Variants in SNX6 observed in about 807,000 individuals in gnomAD.
The protein encoded by SNX6 is sorting nexin-6.
SNX6 carries 34 observed loss-of-function variants against 63.0 expected under a neutral mutation model. That is an observed-to-expected ratio of 0.54 (90% CI 0.41 to 0.72). SNX6 has a LOEUF of 0.72. SNX6 is among the 30% of genes least tolerant of loss of function. The pLI, the probability that SNX6 is intolerant of heterozygous loss-of-function variation, is 0.00. For missense variants in SNX6, 398 were observed against 471.4 expected, an observed-to-expected ratio of 0.84 and a Z score of 1.44; for synonymous variants, 170 against 164.2, an observed-to-expected ratio of 1.04 and a Z score of -0.27.
chr14:34,575,991 T>C (rs1881681693), intron 10 of SNX6, 149 bp from the exon 11 acceptor site: 1 of 342,932 alleles, frequency 2.9e-6, no homozygotes, highest in Non-Finnish European at 5.6e-6. Context: ...TGGCGCTATC[T>C]TGGCTCACTG....
intron 6 of SNX6, among the ~76,000 whole-genome samples, chr14:34,599,896 A>C (rs1168792279): frequency 6.6e-6 from 1 of 152,038 alleles, no homozygotes; most frequent in Non-Finnish European, 1.5e-5. Context: ...AGTTCTCATT[A>C]AAATCTTGAA....
chr14:34,580,252 C>T (rs577497560), intron 10 of SNX6, among the ~76,000 whole-genome samples: 1 of 152,302 alleles, frequency 6.6e-6, no homozygotes, highest in East Asian at 1.9e-4. Context: ...CCTTGAAAGG[C>T]AGCTGAGGAG....
chr14:34,570,450 C>T (rs1420200215), intron 11 of SNX6, among the ~76,000 whole-genome samples: 1 of 148,452 alleles, frequency 6.7e-6, no homozygotes, highest in Non-Finnish European at 1.5e-5. Flanking sequence ...GAGACTGAGT[C>T]GTGCTCTGTC....
At chr14:34,629,642 C>G in intron 2 of SNX6, 1 of 691,268 alleles carries the variant, frequency 1.4e-6, no homozygotes, top group Non-Finnish European at 2.6e-6. Context: ...CACCCCGCCC[C>G]GCGTGGGAGT....
intron 11 of SNX6, among the ~76,000 whole-genome samples, chr14:34,572,088 C>A (rs762686118): frequency 4.7e-5 from 2 of 42,504 alleles, no homozygotes; most frequent in Non-Finnish European, 1.0e-4. Flanking sequence ...CAAGGAAGTG[C>A]ACCACATTCC....
chr14:34,563,487 A>G (rs1019115753), intron 13 of SNX6, among the ~76,000 whole-genome samples: 1 of 152,036 alleles, frequency 6.6e-6, no homozygotes, highest in Non-Finnish European at 1.5e-5. Flanking sequence ...TGAACCCGGG[A>G]AGCGGAGCTT....
At chr14:34,579,836 AAAAG>A (rs1429297408) in intron 10 of SNX6, among the ~76,000 whole-genome samples, 4 of 151,778 alleles carry the variant, frequency 2.6e-5, no homozygotes, top group Non-Finnish European at 5.9e-5. Flanking sequence ...AAAAAAAAAA[AAAAG>A]AAAGAAAAAT....
At chr14:34,600,990 C>T (rs1005569223) in intron 6 of SNX6, among the ~76,000 whole-genome samples, 1 of 151,608 alleles carries the variant, frequency 6.6e-6, no homozygotes, top group African/African-American at 2.4e-5. Context: ...TGCACTCCAG[C>T]CTGGGCGACA....
At chr14:34,629,351 T>TA (rs1883948438) in intron 2 of SNX6, 1 of 364,942 alleles carries the variant, frequency 2.7e-6, no homozygotes, top group East Asian at 7.6e-5. Context: ...TTAGAAAAAG[T>TA]AAAGATACCA....
intron 9 of SNX6, among the ~76,000 whole-genome samples, chr14:34,583,954 T>C (rs943201912): frequency 6.6e-6 from 1 of 151,694 alleles, no homozygotes; most frequent in Non-Finnish European, 1.5e-5. Flanking sequence ...TTCAAGCGAT[T>C]CTCCTGCCTC....
intron 9 of SNX6, among the ~76,000 whole-genome samples, chr14:34,585,543 CA>C (rs1882117793): frequency 6.6e-6 from 1 of 152,006 alleles, no homozygotes; most frequent in Non-Finnish European, 1.5e-5. Context: ...AAACAAAAAC[CA>C]AAAGTATTGT....
At chr14:34,609,803 C>A in intron 2 of SNX6, 61 bp from the exon 3 acceptor site, 2 of 1,192,796 alleles carry the variant, frequency 1.7e-6, no homozygotes, top group South Asian at 2.7e-5. Context: ...CATTTTTTCT[C>A]TTAAGACAAT....
In SNX6 at chr14:34,603,468, T is replaced by G. The variant is rs758768660; in HGVS notation, c.396A>C (p.Glu132Asp). 5.7e-6 allele frequency: 9 copies of G among 1,590,636 alleles called. 1 individual carries two copies. The highest frequency in any genetic ancestry group is 3.6e-5 in the Admixed American group (2 of 55,484). The change falls in exon 6 of 14, where the codon GAA (glutamate) becomes GAC (aspartate). Residue 132 changes from glutamate (E) to aspartate (D), a missense_variant. Physicochemically the swap from Glu to Asp is conservative, Grantham distance 45. Coordinates refer to ENST00000362031, the MANE Select transcript of SNX6 (RefSeq NM_152233.4). ...CTGTCTTCTTGAATATTGCCAAATA[T>G]TCACTAGAAACAATATACAAAATTA... The part of the protein sequence containing the change: ...FTKMKQELEA[E>D]YLAIFKKTVA...
At chr14:34,582,404 T>A (rs1881977939) in intron 9 of SNX6, among the ~76,000 whole-genome samples, 1 of 152,002 alleles carries the variant, frequency 6.6e-6, no homozygotes, top group South Asian at 2.1e-4. Flanking sequence ...GGTGAAAGGA[T>A]GGCTTGAGCC....
chr14:34,593,631 G>C (rs1198791106), intron 7 of SNX6, among the ~76,000 whole-genome samples: 1 of 151,050 alleles, frequency 6.6e-6, no homozygotes, highest in Non-Finnish European at 1.5e-5. Context: ...GAGTGCAGTG[G>C]CGCGATCTTG....
At chr14:34,623,347 T>C (rs1202142010) in intron 2 of SNX6, among the ~76,000 whole-genome samples, 1 of 151,814 alleles carries the variant, frequency 6.6e-6, no homozygotes, top group Admixed American at 6.6e-5. Flanking sequence ...GGGAGTAGAC[T>C]AGAATATGGG....
intron 7 of SNX6, among the ~76,000 whole-genome samples, chr14:34,597,212 G>A (rs1294452271): frequency 6.6e-6 from 1 of 152,198 alleles, no homozygotes; most frequent in Admixed American, 6.6e-5. Context: ...CACGTGAATG[G>A]CATGAACTCA....
intron 2 of SNX6, among the ~76,000 whole-genome samples, chr14:34,619,945 C>T (rs1483229053): frequency 3.3e-5 from 5 of 152,146 alleles, no homozygotes; most frequent in African/African-American, 1.2e-4. Context: ...CTCCTGGGCT[C>T]AAGCGATCCT....
In SNX6 at chr14:34,568,019, A is replaced by G; in HGVS notation, c.922-6T>C. On this transcript the variant is annotated splice_polypyrimidine_tract_variant and splice_region_variant and intron_variant, in intron 11 of 13. Coordinates refer to ENST00000362031, the MANE Select transcript of SNX6 (RefSeq NM_152233.4). ...GACCTTCGATACAGGAGATCCTATA[A>G]AACAGAATGCTTCACAATAGTATAT... is the stretch of plus-strand genomic sequence containing the variant. The G allele has an allele frequency of 6.2e-7, 1 of 1,609,576 alleles. No homozygotes were observed. Among genetic ancestry groups the G allele is most frequent in the Non-Finnish European group, 8.5e-7 (1 of 1,179,142 alleles).
Sources: gnomAD v4.1 joint callset for allele counts (sites outside exome capture counted in the v4.1 genomes callset) on GRCh38, gnomAD v4.1.1 for gene constraint, MANE v1.5 for transcripts, NCBI Gene and HGNC (gene_info 2026-07-23, HGNC 2026-07-21) for gene names.